ISCA1: variants seen among roughly 807,000 people sequenced by gnomAD.
ISCA1 encodes iron-sulfur cluster assembly 1.
In ISCA1, 9 loss-of-function variants were observed where a neutral mutation model predicts 14.7. The observed-to-expected ratio is 0.61, with a 90% CI of 0.37 to 1.07. The LOEUF (loss-of-function observed/expected upper bound fraction) is 1.07. Ranked by LOEUF, ISCA1 falls within the 50% of genes least tolerant of loss-of-function variation. The probability of loss-of-function intolerance (pLI) is 0.01; values close to 1 mark genes in which losing one functional copy is unlikely to be tolerated. For synonymous variants in ISCA1, 38 were observed against 54.3 expected, an observed-to-expected ratio of 0.70 and a Z score of 1.32; for missense variants, 102 against 150.1, an observed-to-expected ratio of 0.68 and a Z score of 1.67.
intron 1 of ISCA1, among the ~76,000 whole-genome samples, chr9:86,278,115 A>C (rs1564010513): frequency 6.6e-6 from 1 of 152,138 alleles, no homozygotes; most frequent in Non-Finnish European, 1.5e-5. Flanking sequence ...CATACTAAAC[A>C]TGTGCCAACA....
rs190853346 is a variant in ISCA1 at position 86,265,751 on chromosome 9, C to A, written c.*292G>T. ...GCCATCAATAGCGATCTAAGGAGTGCACACAGTTCAGGAAATGGATAAACA... is the reference window on the plus strand; with the variant it reads ...GCCATCAATAGCGATCTAAGGAGTGAACACAGTTCAGGAAATGGATAAACA... On this transcript the variant is annotated 3_prime_UTR_variant, in exon 4 of 4. Transcript: ENST00000375991. 1 of 457,984 alleles carries A rather than the reference C, an allele frequency of 2.2e-6. No individual in the cohort carries two copies. The highest frequency in any genetic ancestry group is 4.8e-5 in the East Asian group (1 of 20,974). The allele number at this position is 457,984 out of a possible 1,614,324, so 28.4% of individuals were successfully genotyped here.
rs564596803 is a variant in ISCA1 at position 86,277,518 on chromosome 9, G to A, written c.82-3276C>T. On this transcript the variant is annotated intron_variant, in intron 1 of 3. Transcript: ENST00000375991. ...TATAAGAGGTACTTTTTGTGTCTCA[G>A]TACCAGGGAGAGGCTAAGAATCCTA... Among the ~76,000 whole-genome samples the A allele has an allele frequency of 2.0e-5, 3 of 152,294 alleles. No homozygotes were observed. In the East Asian group the frequency reaches 5.8e-4, roughly 29 times the overall value.
At chr9:86,282,099 AC>A (rs929073488) in intron 1 of ISCA1, 10 of 457,642 alleles carry the variant, frequency 2.2e-5, no homozygotes, top group African/African-American at 1.9e-4. Flanking sequence ...GGGGACGCCC[AC>A]CCCCGGGATC....
In ISCA1 at chr9:86,264,837, A is replaced by G. The variant is rs1405692914; in HGVS notation, c.*1206T>C. 1 of 152,196 alleles carries G rather than the reference A, an allele frequency of 6.6e-6. No homozygotes were observed. The allele number at this position is 152,196 out of a possible 1,614,324, so 9.4% of individuals were successfully genotyped here. A position where few individuals can be genotyped will look rare whatever the true frequency, so the allele number is the denominator to read the frequency against. On this transcript the variant is annotated 3_prime_UTR_variant, in exon 4 of 4. Coordinates refer to ENST00000375991, the MANE Select transcript of ISCA1 (RefSeq NM_030940.4). Reference sequence around the variant, plus strand: ...GTCAAACCCAGGAAAATCAGTAACTAAGTGACAAAAGGAACACTTTTAAAG... The same window carrying G: ...GTCAAACCCAGGAAAATCAGTAACTGAGTGACAAAAGGAACACTTTTAAAG...
intron 3 of ISCA1, among the ~76,000 whole-genome samples, chr9:86,266,515 C>T (rs1218807597): frequency 6.6e-6 from 1 of 151,774 alleles, no homozygotes; most frequent in African/African-American, 2.4e-5. Context: ...TGTATATTCT[C>T]GATGAGTTTT....
chr9:86,274,467 C>T (rs1316063359), intron 1 of ISCA1, among the ~76,000 whole-genome samples: 1 of 152,124 alleles, frequency 6.6e-6, no homozygotes, highest in East Asian at 1.9e-4. Context: ...TTTAATCTTG[C>T]TCCTCAGTCC....
intron 1 of ISCA1, among the ~76,000 whole-genome samples, chr9:86,281,657 TC>T (rs1381438479): frequency 6.6e-6 from 1 of 152,190 alleles, no homozygotes; most frequent in Non-Finnish European, 1.5e-5. Flanking sequence ...AACACTGAGC[TC>T]AGTGAATTCT....
chr9:86,279,776 A>G (rs968490391), intron 1 of ISCA1, among the ~76,000 whole-genome samples: 4 of 152,162 alleles, frequency 2.6e-5, no homozygotes, highest in Admixed American at 2.6e-4. Context: ...TAGGCCTTTG[A>G]CGGCATCACT....
At chr9:86,267,003 A>T (rs1825299230) in intron 3 of ISCA1, 1 of 152,220 alleles carries the variant, frequency 6.6e-6, no homozygotes, top group Admixed American at 6.5e-5. Flanking sequence ...CAGCCAACAA[A>T]TACAATCAAT....
intron 1 of ISCA1, among the ~76,000 whole-genome samples, chr9:86,277,837 T>C (rs976786130): frequency 1.3e-5 from 2 of 152,174 alleles, no homozygotes; most frequent in Admixed American, 1.3e-4. Flanking sequence ...ACTTTTAAAG[T>C]GAGAGGTTAT....
intron 1 of ISCA1, among the ~76,000 whole-genome samples, chr9:86,281,033 C>T (rs1389335835): frequency 5.3e-5 from 8 of 151,944 alleles, no homozygotes; most frequent in African/African-American, 1.9e-4. Flanking sequence ...AAAACTGTTC[C>T]TGAACCTTCT....
At chr9:86,268,040 T>A (rs1439749674) in intron 3 of ISCA1, among the ~76,000 whole-genome samples, 2 of 151,964 alleles carry the variant, frequency 1.3e-5, no homozygotes, top group Non-Finnish European at 2.9e-5. Context: ...TGATAATAAA[T>A]GGTTATGTTA....
chr9:86,273,580 G>C (rs1430318384), intron 2 of ISCA1, among the ~76,000 whole-genome samples: 1 of 152,150 alleles, frequency 6.6e-6, no homozygotes, highest in Non-Finnish European at 1.5e-5. Flanking sequence ...CCATTATTAA[G>C]GGTAAAAAGC....
chr9:86,279,589 C>A (rs948173282), intron 1 of ISCA1, among the ~76,000 whole-genome samples: 1 of 152,182 alleles, frequency 6.6e-6, no homozygotes, highest in Non-Finnish European at 1.5e-5. Flanking sequence ...TTCCTAACAT[C>A]AAAATTTATA....
intron 3 of ISCA1, among the ~76,000 whole-genome samples, chr9:86,271,087 T>TATAATAATA (rs146653377): frequency 6.6e-6 from 1 of 151,006 alleles, no homozygotes; most frequent in African/African-American, 2.4e-5. Flanking sequence ...AAACTTAAAG[T>TATAATAATA]ATAATAATAA....
At position 86,265,926 on chromosome 9, in the gene ISCA1, C is replaced by T. The variant is rs2131219193; in HGVS notation, c.*117G>A. 1 of 1,467,812 alleles carries T rather than the reference C, an allele frequency of 6.8e-7. No individual in the cohort carries two copies. Among genetic ancestry groups the T allele is most frequent in the South Asian group, 1.1e-5 (1 of 87,256 alleles). 90.9% of individuals were successfully genotyped at this position (1,467,812 alleles called of 1,614,324 possible). On this transcript the variant is annotated 3_prime_UTR_variant, in exon 4 of 4. Coordinates refer to ENST00000375991, the MANE Select transcript of ISCA1 (RefSeq NM_030940.4). ...CTTCTGGAATCCAACACACTGGATT[C>T]ATTTTCAAGATGTATCACTTTATTT...
At chr9:86,270,522 G>T (rs1825355748) in intron 3 of ISCA1, among the ~76,000 whole-genome samples, 1 of 150,372 alleles carries the variant, frequency 6.7e-6, no homozygotes, top group Non-Finnish European at 1.5e-5. Context: ...AACCATTGTG[G>T]AAGTCAGTGT....
intron 1 of ISCA1, among the ~76,000 whole-genome samples, chr9:86,278,225 TAC>T (rs1825463952): frequency 6.6e-6 from 1 of 152,192 alleles, no homozygotes; most frequent in Admixed American, 6.5e-5. Context: ...AGTGAACAAG[TAC>T]AGTGTATTTT....
At chr9:86,272,470 T>C (rs893119941) in intron 2 of ISCA1, among the ~76,000 whole-genome samples, 8 of 152,226 alleles carry the variant, frequency 5.3e-5, no homozygotes, top group Non-Finnish European at 1.0e-4. Flanking sequence ...CTACATGGGA[T>C]CTGAATTATA....
Sources: allele counts gnomAD v4.1 joint callset (sites outside exome capture counted in the v4.1 genomes callset), GRCh38; gene constraint gnomAD v4.1.1; transcripts MANE v1.5; gene names NCBI Gene and HGNC (gene_info 2026-07-23, HGNC 2026-07-21).